Variants in FBXL2 observed in about 807,000 individuals in gnomAD.
FBXL2 encodes F-box and leucine rich repeat protein 2.
FBXL2 carries 38 observed loss-of-function variants against 69.2 expected under a neutral mutation model. The ratio of observed to expected loss-of-function variants is 0.55; its 90% CI spans 0.42 to 0.72. The LOEUF (loss-of-function observed/expected upper bound fraction) is 0.72. Ranked by LOEUF, FBXL2 falls within the 30% of genes least tolerant of loss-of-function variation. The pLI, the probability that FBXL2 is intolerant of heterozygous loss-of-function variation, is 0.00. For missense variants in FBXL2, 354 were observed against 520.3 expected (o/e 0.68, Z 3.11); for synonymous variants, 192 against 201.3 (o/e 0.95, Z 0.39).
intron 1 of FBXL2, among the ~76,000 whole-genome samples, chr3:33,291,675 G>GA (rs910956907): frequency 6.6e-5 from 10 of 151,252 alleles, no homozygotes; most frequent in African/African-American, 1.9e-4. Flanking sequence ...AGCAAACATT[G>GA]AAAAAAAATA....
At chr3:33,338,979 G>A (rs1197960680) in intron 2 of FBXL2, among the ~76,000 whole-genome samples, 1 of 152,068 alleles carries the variant, frequency 6.6e-6, no homozygotes, top group African/African-American at 2.4e-5. Context: ...TATCAACAGA[G>A]TAAACAGACA....
intron 9 of FBXL2, 61 bp downstream of exon 9, chr3:33,373,982 C>T (rs2042468731): frequency 2.0e-6 from 3 of 1,531,950 alleles, no homozygotes; most frequent in Non-Finnish European, 2.7e-6. Flanking sequence ...AGCAGTCTGC[C>T]TCAGGCCTCC....
At chr3:33,316,914 T>C (rs1258229999) in intron 2 of FBXL2, among the ~76,000 whole-genome samples, 2 of 152,102 alleles carry the variant, frequency 1.3e-5, no homozygotes, top group African/African-American at 4.8e-5. Flanking sequence ...TCTTCTTCTT[T>C]TTTTTGAGAC....
intron 10 of FBXL2, among the ~76,000 whole-genome samples, 160 bp from the exon 11 acceptor site, chr3:33,377,113 G>T (rs557616844): frequency 7.2e-5 from 11 of 152,308 alleles, no homozygotes; most frequent in Admixed American, 2.0e-4. Flanking sequence ...GTTTGGGATG[G>T]AACTTCGGGG....
At chr3:33,364,473 A>G in intron 4 of FBXL2, 152 bp from the exon 5 acceptor site, 1 of 688,374 alleles carries the variant, frequency 1.5e-6, no homozygotes, top group Non-Finnish European at 2.6e-6. Context: ...GTATGCATTA[A>G]GGATAGAACT....
intron 2 of FBXL2, among the ~76,000 whole-genome samples, chr3:33,326,941 A>G (rs911132086): frequency 1.4e-4 from 22 of 152,338 alleles, no homozygotes; most frequent in Non-Finnish European, 8.8e-5. Flanking sequence ...GCTTTCTGCT[A>G]CCCTTAACAC....
chr3:33,288,853 A>G (rs963331148), intron 1 of FBXL2, among the ~76,000 whole-genome samples: 1 of 152,172 alleles, frequency 6.6e-6, no homozygotes, highest in Non-Finnish European at 1.5e-5. Context: ...TATATTTTAT[A>G]AGAGAACCAT....
intron 14 of FBXL2, 141 bp from the exon 15 acceptor site, chr3:33,385,360 G>C (rs892976252): frequency 1.3e-6 from 1 of 788,638 alleles, no homozygotes; most frequent in African/African-American, 1.7e-5. Context: ...AGTAACAGGA[G>C]TAGCTCTAAT....
chr3:33,289,822 G>A, intron 1 of FBXL2: 1 of 982,702 alleles, frequency 1.0e-6, no homozygotes. Context: ...GAAGGTTGGG[G>A]GCAGGGCAGG....
chr3:33,287,106 C>T (rs59434757), intron 1 of FBXL2, among the ~76,000 whole-genome samples: 9 of 152,286 alleles, frequency 5.9e-5, no homozygotes, highest in Admixed American at 2.0e-4. Context: ...GCATCGCTCA[C>T]GCTGGGAGCT....
At position 33,377,346 on chromosome 3, in the gene FBXL2, T is replaced by G. The variant is rs780851112; in HGVS notation, c.849+13T>G. Reference sequence around the variant, plus strand: ...ACTTTTAGCTCGGGTAAGGCATAGATTTAAAGAATACAACCAAACTCTAAT... The same window carrying G: ...ACTTTTAGCTCGGGTAAGGCATAGAGTTAAAGAATACAACCAAACTCTAAT... On this transcript the variant is annotated intron_variant, in intron 11 of 14. Coordinates refer to ENST00000484457, the MANE Select transcript of FBXL2 (RefSeq NM_012157.5). The G allele has an allele frequency of 6.2e-7, 1 of 1,613,656 alleles. No individual in the cohort carries two copies. The highest frequency in any genetic ancestry group is 1.1e-5 in the South Asian group (1 of 91,084).
chr3:33,401,419 T>C (rs2044224870), intron 12 of FBXL2, among the ~76,000 whole-genome samples: 1 of 152,102 alleles, frequency 6.6e-6, no homozygotes, highest in Non-Finnish European at 1.5e-5. Context: ...CTACAAGAAA[T>C]AGTACAATGA....
In FBXL2 at chr3:33,378,718, C is replaced by A. The variant is rs1476366664; in HGVS notation, c.928C>A (p.His310Asn). The change falls in exon 13 of 15, where the codon CAC becomes AAC. Residue 310 changes from histidine (H) to asparagine (N), a missense_variant. His to Asn is a moderately conservative substitution (Grantham distance 68). Coordinates refer to ENST00000484457, the MANE Select transcript of FBXL2 (RefSeq NM_012157.5). ...TDSTLIQLSI[H>N]CPKLQALSLS... Reference sequence around the variant, plus strand: ...CAGCACACTCATCCAGCTCTCCATTCACTGTCCTAAACTGCAAGCCCTGGT... The same window carrying A: ...CAGCACACTCATCCAGCTCTCCATTAACTGTCCTAAACTGCAAGCCCTGGT... The A allele has an allele frequency of 6.2e-7, 1 of 1,613,994 alleles. No individual in the cohort carries two copies. Among genetic ancestry groups the A allele is most frequent in the South Asian group, 1.1e-5 (1 of 91,008 alleles).
chr3:33,357,419 T>A (rs1444599994), intron 2 of FBXL2, among the ~76,000 whole-genome samples: 1 of 152,206 alleles, frequency 6.6e-6, no homozygotes, highest in Non-Finnish European at 1.5e-5. Context: ...CAGGAGAGCC[T>A]TTGTGTTGGG....
chr3:33,409,108 TCA>T, the FBXL2 span: 1 of 900,588 alleles, frequency 1.1e-6, no homozygotes, highest in South Asian at 1.7e-5. Context: ...CCCAGAAATT[TCA>T]CAGAGAATAA....
At chr3:33,412,859 T>A in the FBXL2 span, 3 of 1,428,206 alleles carry the variant, frequency 2.1e-6, no homozygotes, top group Non-Finnish European at 2.0e-6. Flanking sequence ...TGAGTACTTT[T>A]AAACTGCTCC....
chr3:33,417,000 C>G, the FBXL2 span, among the ~76,000 whole-genome samples: 1 of 152,208 alleles, frequency 6.6e-6, no homozygotes, highest in Non-Finnish European at 1.5e-5. Flanking sequence ...GAAAATCACA[C>G]CAACCTTCTG....
At chr3:33,396,245 C>T (rs549602250) in intron 12 of FBXL2, 49 of 1,589,554 alleles carry the variant, frequency 3.1e-5, no homozygotes, top group South Asian at 1.5e-4. Flanking sequence ...TGGCTGCTCC[C>T]GGCAGACATA....
intron 2 of FBXL2, among the ~76,000 whole-genome samples, chr3:33,355,130 A>G (rs1309574132): frequency 1.3e-5 from 2 of 152,062 alleles, no homozygotes; most frequent in Non-Finnish European, 2.9e-5. Flanking sequence ...GGGTTTCACC[A>G]TGTTGCCCAT....
Sources: gnomAD v4.1 joint callset for allele counts (sites outside exome capture counted in the v4.1 genomes callset) on GRCh38, gnomAD v4.1.1 for gene constraint, MANE v1.5 for transcripts, NCBI Gene and HGNC (gene_info 2026-07-23, HGNC 2026-07-21) for gene names.